HIGD1C: variants seen among roughly 807,000 people sequenced by gnomAD.
HIGD1C encodes HIG1 domain family member 1C.
In HIGD1C, 11 loss-of-function variants were observed where a neutral mutation model predicts 13.1. The ratio of observed to expected loss-of-function variants is 0.84; its 90% CI spans 0.53 to 1.39. The LOEUF (loss-of-function observed/expected upper bound fraction) is 1.39. HIGD1C is among the 40% of genes most tolerant of loss of function. HIGD1C has a pLI of 0.00. For missense variants in HIGD1C, 110 were observed against 112.0 expected, an observed-to-expected ratio of 0.98 and a Z score of 0.08; for synonymous variants, 36 against 37.7, an observed-to-expected ratio of 0.95 and a Z score of 0.17.
chr12:50,938,988 C>T, the HIGD1C span, among the ~76,000 whole-genome samples: 1 of 152,108 alleles, frequency 6.6e-6, no homozygotes, highest in Non-Finnish European at 1.5e-5. Flanking sequence ...TCCTGGGGTA[C>T]AAAGAAGTGG....
At chr12:50,931,347 T>C in the HIGD1C span, 1 of 152,104 alleles carries the variant, frequency 6.6e-6, no homozygotes, top group African/African-American at 2.4e-5. Context: ...TAAGAAATAC[T>C]AGCTAATTAA....
At chr12:50,959,593 T>C (rs1267340010) in intron 1 of HIGD1C, among the ~76,000 whole-genome samples, 3 of 152,212 alleles carry the variant, frequency 2.0e-5, no homozygotes, top group East Asian at 1.9e-4. Flanking sequence ...GTTATACTTA[T>C]GGCATTTATT....
the HIGD1C span, chr12:50,931,710 TCAAAAA>T: frequency 1.3e-5 from 1 of 74,968 alleles, no homozygotes; most frequent in African/African-American, 7.2e-5. Flanking sequence ...AGACTCCGTC[TCAAAAA>T]AAAAAAAAAA....
At chr12:50,958,428 C>A (rs1939194999) in intron 1 of HIGD1C, among the ~76,000 whole-genome samples, 1 of 151,294 alleles carries the variant, frequency 6.6e-6, no homozygotes, top group African/African-American at 2.4e-5. Flanking sequence ...ACTACAGGCA[C>A]CCGCCACCAC....
chr12:50,971,262 C>T (rs1939752211), downstream of HIGD1C, among the ~76,000 whole-genome samples: 1 of 149,300 alleles, frequency 6.7e-6, no homozygotes, highest in Non-Finnish European at 1.5e-5. Context: ...ATTACGGTTT[C>T]ATAAACTCCT....
chr12:50,949,501 ATG>A (rs1036492367), upstream of HIGD1C: 3 of 139,586 alleles, frequency 2.1e-5, no homozygotes, highest in Admixed American at 1.4e-4. Flanking sequence ...GTCTATTGAC[ATG>A]TCTCATTATT....
At chr12:50,935,091 C>T in the HIGD1C span, 2 of 152,184 alleles carry the variant, frequency 1.3e-5, no homozygotes, top group Admixed American at 6.5e-5. Flanking sequence ...CTTCCCCTTT[C>T]GTCTTGGTTT....
intron 1 of HIGD1C, among the ~76,000 whole-genome samples, chr12:50,956,365 C>T (rs1165467122): frequency 1.3e-5 from 2 of 152,062 alleles, no homozygotes; most frequent in Admixed American, 1.3e-4. Context: ...GCACTCCAGC[C>T]TGGGCAACAG....
chr12:50,952,126 CT>C (rs1938920594), upstream of HIGD1C, among the ~76,000 whole-genome samples: 1 of 135,082 alleles, frequency 7.4e-6, no homozygotes, highest in Non-Finnish European at 1.5e-5. Flanking sequence ...TGAATAAAAT[CT>C]TTAGATTGAA....
chr12:50,970,452 T>C (rs1939722022), exon 3 of HIGD1C: 1 of 1,497,640 alleles, frequency 6.7e-7, no homozygotes, highest in South Asian at 1.2e-5. Flanking sequence ...GTGTTCTCTA[T>C]TCTATGTATA....
chr12:50,967,821 A>G (rs1028373538), intron 2 of HIGD1C, among the ~76,000 whole-genome samples: 1 of 152,140 alleles, frequency 6.6e-6, no homozygotes, highest in African/African-American at 2.4e-5. Context: ...TGATATATAA[A>G]AAGTGATTTA....
downstream of HIGD1C, among the ~76,000 whole-genome samples, chr12:50,970,671 C>T (rs1939729987): frequency 6.6e-6 from 1 of 152,148 alleles, no homozygotes; most frequent in Non-Finnish European, 1.5e-5. Context: ...TCCAGATCAA[C>T]AATCATAAAC....
the HIGD1C span, among the ~76,000 whole-genome samples, chr12:50,934,563 G>A: frequency 6.6e-5 from 10 of 152,338 alleles, no homozygotes; most frequent in East Asian, 1.9e-3. Context: ...ATACAATGAT[G>A]ATAAATGTTT....
At chr12:50,944,118 T>A in the HIGD1C span, among the ~76,000 whole-genome samples, 2 of 152,016 alleles carry the variant, frequency 1.3e-5, no homozygotes, top group African/African-American at 4.8e-5. Context: ...AACAAAAAAA[T>A]GAGCCACTGA....
chr12:50,940,722 C>CAAAAA, the HIGD1C span, among the ~76,000 whole-genome samples: 2 of 105,138 alleles, frequency 1.9e-5, no homozygotes, highest in South Asian at 3.1e-4. Context: ...GACCCCATCT[C>CAAAAA]AAAAAAAAAA....
the HIGD1C span, among the ~76,000 whole-genome samples, chr12:50,936,290 T>G: frequency 2.0e-5 from 3 of 151,994 alleles, no homozygotes; most frequent in African/African-American, 7.3e-5. Context: ...ACTATTTATT[T>G]ATAGAGACAG....
chr12:50,950,236 T>C (rs1565953162), upstream of HIGD1C, among the ~76,000 whole-genome samples: 2 of 152,110 alleles, frequency 1.3e-5, no homozygotes, highest in African/African-American at 2.4e-5. Flanking sequence ...TCAAACTACA[T>C]GTGCTGCTGG....
the HIGD1C span, among the ~76,000 whole-genome samples, chr12:50,947,511 C>A: frequency 6.6e-6 from 1 of 152,150 alleles, no homozygotes; most frequent in Non-Finnish European, 1.5e-5. Context: ...CTACCTTCCA[C>A]CTTCTTGTAA....
upstream of HIGD1C, chr12:50,949,340 A>C (rs143459751): frequency 1.3e-5 from 2 of 152,612 alleles, no homozygotes; most frequent in East Asian, 4.0e-4. Context: ...TGAGCTCTGC[A>C]ATGCCTTTCA....
Sources: allele counts gnomAD v4.1 joint callset (sites outside exome capture counted in the v4.1 genomes callset), GRCh38; gene constraint gnomAD v4.1.1; transcripts MANE v1.5; gene names NCBI Gene and HGNC (gene_info 2026-07-23, HGNC 2026-07-21).